Variants in PRKAG2 observed in about 807,000 individuals in gnomAD.
PRKAG2 encodes 5'-AMP-activated protein kinase subunit gamma-2.
In PRKAG2, 26 loss-of-function variants were observed where a neutral mutation model predicts 69.6. The ratio of observed to expected loss-of-function variants is 0.37; its 90% confidence interval spans 0.27 to 0.52. The LOEUF is 0.52. Among genes scored for constraint, PRKAG2 ranks in the 20% least tolerant of loss-of-function variants. PRKAG2 has a pLI of 0.90. For missense variants in PRKAG2, 557 were observed against 740.0 expected (o/e 0.75, Z 2.87); for synonymous variants, 293 against 285.0 (o/e 1.03, Z -0.28).
intron 1 of PRKAG2, among the ~76,000 whole-genome samples, chr7:151,789,807 G>A (rs530139153): frequency 3.9e-5 from 6 of 152,316 alleles, no homozygotes; most frequent in South Asian, 2.1e-4. Context: ...AGAGCTGCGT[G>A]CCTCCCAAGG....
chr7:151,652,077 C>T (rs571240840), intron 4 of PRKAG2, among the ~76,000 whole-genome samples: 4 of 152,272 alleles, frequency 2.6e-5, no homozygotes, highest in South Asian at 4.1e-4. Context: ...GTGACAGATA[C>T]GTTAATTAGC....
At chr7:151,577,751 A>G (rs1442339125) in intron 6 of PRKAG2, among the ~76,000 whole-genome samples, 1 of 152,192 alleles carries the variant, frequency 6.6e-6, no homozygotes, top group Admixed American at 6.5e-5. Context: ...AAATACTAGC[A>G]TACCAATGAG....
intron 4 of PRKAG2, among the ~76,000 whole-genome samples, chr7:151,644,857 A>AT (rs982086542): frequency 6.6e-6 from 1 of 152,104 alleles, no homozygotes; most frequent in Non-Finnish European, 1.5e-5. Flanking sequence ...GTCTCTTAAC[A>AT]TTTTTTATCA....
intron 3 of PRKAG2, among the ~76,000 whole-genome samples, chr7:151,677,331 C>A (rs910919660): frequency 6.6e-6 from 1 of 152,130 alleles, no homozygotes; most frequent in African/African-American, 2.4e-5. Flanking sequence ...GGATTACAGG[C>A]ACCTGCCACC....
At chr7:151,767,624 G>A (rs2075805731) in intron 3 of PRKAG2, among the ~76,000 whole-genome samples, 1 of 152,222 alleles carries the variant, frequency 6.6e-6, no homozygotes, top group Non-Finnish European at 1.5e-5. Flanking sequence ...AGTTTGTGGT[G>A]CTGTTATAGT....
chr7:151,829,644 GAATA>G (rs2078979283), intron 1 of PRKAG2, among the ~76,000 whole-genome samples: 1 of 152,120 alleles, frequency 6.6e-6, no homozygotes, highest in East Asian at 1.9e-4. Flanking sequence ...ACTGATGAAT[GAATA>G]AACAGAACAC....
chr7:151,559,115 T>C (rs1804388638), intron 15 of PRKAG2: 1 of 985,436 alleles, frequency 1.0e-6, no homozygotes, highest in South Asian at 4.7e-5. Flanking sequence ...AAATGTGCTG[T>C]GCAGTTATGC....
intron 3 of PRKAG2, among the ~76,000 whole-genome samples, chr7:151,714,473 A>ACG (rs1563503687): frequency 4.4e-5 from 6 of 137,024 alleles, no homozygotes; most frequent in Non-Finnish European, 7.6e-5. Context: ...ACATGCCGCC[A>ACG]TCCTCCCATC....
chr7:151,719,494 T>C lies in PRKAG2; in HGVS notation c.467-43857A>G, dbSNP rs963403147. On this transcript the variant is annotated intron_variant, in intron 3 of 15. Transcript: ENST00000287878. The surrounding 1 kb of genome is among the most constrained non-coding windows in gnomAD (Gnocchi z 5.2). Reference sequence around the variant, plus strand: ...CAATGCCTAAGCGCCGGGTGCTGGGTCACCCTGAGACTCTCGCTGTCCAAT... The same window carrying C: ...CAATGCCTAAGCGCCGGGTGCTGGGCCACCCTGAGACTCTCGCTGTCCAAT... Among the ~76,000 whole-genome samples the C allele has an allele frequency of 1.3e-5, 2 of 152,026 alleles. No individual in the cohort carries two copies. Among genetic ancestry groups the C allele is most frequent in the Non-Finnish European group, 2.9e-5 (2 of 68,008 alleles).
intron 3 of PRKAG2, among the ~76,000 whole-genome samples, chr7:151,688,436 G>A (rs965180767): frequency 6.6e-6 from 1 of 152,244 alleles, no homozygotes; most frequent in Non-Finnish European, 1.5e-5. Flanking sequence ...CAGATCTCAT[G>A]TGAGGGTAAA....
intron 3 of PRKAG2, among the ~76,000 whole-genome samples, chr7:151,755,726 T>G (rs1311428976): frequency 6.6e-6 from 1 of 152,220 alleles, no homozygotes; most frequent in African/African-American, 2.4e-5. Flanking sequence ...ATTTACCATC[T>G]GGCTTTTTAC....
At chr7:151,558,498 C>A (rs1348313147) in intron 15 of PRKAG2, 1 of 974,322 alleles carries the variant, frequency 1.0e-6, no homozygotes, top group Non-Finnish European at 1.2e-6. Context: ...GGAGGTGAAG[C>A]GACTTGCTTA....
chr7:151,775,510 GC>G (rs1357997349), intron 3 of PRKAG2, among the ~76,000 whole-genome samples: 1 of 152,170 alleles, frequency 6.6e-6, no homozygotes, highest in Non-Finnish European at 1.5e-5. Context: ...CACATTGTTT[GC>G]TTGTTAAAAA....
At position 151,874,247 on chromosome 7, in the gene PRKAG2, A is replaced by C. The variant is rs1201924453; in HGVS notation, c.114+2260T>G. On this transcript the variant is annotated intron_variant, in intron 1 of 15. Coordinates refer to ENST00000287878, the MANE Select transcript of PRKAG2 (RefSeq NM_016203.4). ...GTATATGTATATGATGTATATGTATATGTATATGATGTATATGTATATGTA... is the reference window on the plus strand; with the variant it reads ...GTATATGTATATGATGTATATGTATCTGTATATGATGTATATGTATATGTA... 1.6e-5 allele frequency among the ~76,000 whole-genome samples: 2 copies of C among 123,908 alleles called. 1 individual carries two copies. Among genetic ancestry groups the C allele is most frequent in the South Asian group, 4.9e-4 (2 of 4,042 alleles). 81.3% of individuals were successfully genotyped at this position (123,908 alleles called of 152,430 possible).
intron 3 of PRKAG2, among the ~76,000 whole-genome samples, chr7:151,773,039 G>A (rs1430552606): frequency 0.14 from 4,613 of 32,814 alleles, 556 homozygotes; most frequent in East Asian, 0.55. Context: ...GAGAGAGAGA[G>A]AGAGAGAGAG....
At chr7:151,615,846 A>G (rs1370467481) in intron 5 of PRKAG2, among the ~76,000 whole-genome samples, 1 of 152,250 alleles carries the variant, frequency 6.6e-6, no homozygotes, top group African/African-American at 2.4e-5. Context: ...AGAGAAATGC[A>G]AATCAAAACC....
chr7:151,868,003 GA>G (rs1444819167), intron 1 of PRKAG2, among the ~76,000 whole-genome samples: 1 of 152,164 alleles, frequency 6.6e-6, no homozygotes, highest in African/African-American at 2.4e-5. Context: ...TTGGCTCATG[GA>G]AAAGACGCTG....
Position 151,626,096 on chromosome 7 carries a change from C to T in PRKAG2, c.754+5973G>A, listed in dbSNP as rs567610547. 1.2e-4 allele frequency among the ~76,000 whole-genome samples: 18 copies of T among 152,280 alleles called. No homozygotes were observed. The South Asian group carries it at 3.1e-3, about 26-fold the overall frequency. ...GTTCTGAGATGGGAGGTCACATGGC[C>T]CTAGAGCAATGGCCAGAGGTGCTCA... On this transcript the variant is annotated intron_variant, in intron 5 of 15. Transcript: ENST00000287878.
intron 3 of PRKAG2, among the ~76,000 whole-genome samples, chr7:151,729,689 G>A (rs756406403): frequency 1.3e-5 from 2 of 152,076 alleles, no homozygotes; most frequent in African/African-American, 2.4e-5. Context: ...GCCAGAGACC[G>A]GCTCCTGTGG....
Sources: gnomAD v4.1 joint callset for allele counts (sites outside exome capture counted in the v4.1 genomes callset) on GRCh38, gnomAD v4.1.1 for gene constraint, Gnocchi (gnomAD v3.1) non-coding constraint, MANE v1.5 for transcripts, NCBI Gene and HGNC (gene_info 2026-07-23, HGNC 2026-07-21) for gene names.